SLC30A9: variants seen among roughly 807,000 people sequenced by gnomAD.
The protein encoded by SLC30A9 is proton-coupled zinc antiporter SLC30A9, mitochondrial.
A neutral mutation model predicts 87.5 loss-of-function variants in SLC30A9; 58 were observed. That is an observed-to-expected ratio of 0.66 (90% CI 0.54 to 0.82). The LOEUF is 0.82. SLC30A9 is among the 40% of genes least tolerant of loss of function. The probability of loss-of-function intolerance (pLI) is 0.00; values close to 1 mark genes in which losing one functional copy is unlikely to be tolerated. For synonymous variants in SLC30A9, 234 were observed against 233.0 expected (o/e 1.00, Z -0.04); for missense variants, 557 against 679.1 (o/e 0.82, Z 2.00).
At chr4:42,055,430 A>C (rs544154828) in intron 9 of SLC30A9, among the ~76,000 whole-genome samples, 21 of 152,168 alleles carry the variant, frequency 1.4e-4, no homozygotes, top group African/African-American at 5.1e-4. Flanking sequence ...TGTCTTGCCC[A>C]GGCTGGAATG....
At chr4:42,019,206 A>G (rs1715839360) in intron 3 of SLC30A9, among the ~76,000 whole-genome samples, 1 of 152,340 alleles carries the variant, frequency 6.6e-6, no homozygotes, top group Non-Finnish European at 1.5e-5. Context: ...AATAATAAAT[A>G]TGAGAATAGA....
At chr4:42,015,539 A>C (rs1715681791) in intron 2 of SLC30A9, among the ~76,000 whole-genome samples, 1 of 152,218 alleles carries the variant, frequency 6.6e-6, no homozygotes, top group African/African-American at 2.4e-5. Flanking sequence ...TTTCTGTTTC[A>C]TTCCATGTTT....
intron 9 of SLC30A9, among the ~76,000 whole-genome samples, chr4:42,053,601 A>G (rs955194141): frequency 1.1e-4 from 16 of 148,268 alleles, no homozygotes; most frequent in African/African-American, 2.3e-4. Context: ...AGGCAGGAGA[A>G]TCGCTTGAAC....
At chr4:42,078,449 G>A in intron 17 of SLC30A9, 124 bp downstream of exon 17, 1 of 535,340 alleles carries the variant, frequency 1.9e-6, no homozygotes, top group Non-Finnish European at 3.3e-6. Flanking sequence ...ACTCCACAGT[G>A]TGTAGGTATT....
intron 9 of SLC30A9, among the ~76,000 whole-genome samples, chr4:42,051,149 A>G (rs915652965): frequency 6.6e-6 from 1 of 152,184 alleles, no homozygotes; most frequent in Non-Finnish European, 1.5e-5. Context: ...GAGAGTTCTC[A>G]TTGATTATCG....
At chr4:42,047,883 G>T (rs1577707138) in intron 8 of SLC30A9, among the ~76,000 whole-genome samples, 1 of 152,104 alleles carries the variant, frequency 6.6e-6, no homozygotes, top group Non-Finnish European at 1.5e-5. Flanking sequence ...TACACCATGG[G>T]ATAATATGCA....
intron 8 of SLC30A9, among the ~76,000 whole-genome samples, chr4:42,043,691 A>G (rs1423116655): frequency 5.3e-5 from 8 of 152,208 alleles, no homozygotes; most frequent in Admixed American, 5.2e-4. Context: ...AAGACAGGCT[A>G]ATATTCAAAT....
chr4:42,047,882 G>A (rs1010652472), intron 8 of SLC30A9, among the ~76,000 whole-genome samples: 3 of 152,108 alleles, frequency 2.0e-5, no homozygotes, highest in Non-Finnish European at 4.4e-5. Context: ...ATACACCATG[G>A]GATAATATGC....
Position 42,004,667 on chromosome 4 carries a change from T to TTTC in SLC30A9, c.274+2889_274+2890insCTT, listed in dbSNP as rs1452393182. On this transcript the variant is annotated intron_variant, in intron 2 of 17. Transcript: ENST00000264451. ...TTTTCCTTTTTTTTTTCTTTTTCTT[T>TTTC]TTTTTTTTTTGAGACCAAGTCTCAT... Among the ~76,000 whole-genome samples the TTTC allele has an allele frequency of 5.9e-4, 88 of 148,258 alleles. No homozygotes were observed. In the East Asian group the frequency reaches 0.015, roughly 25 times the overall value.
intron 6 of SLC30A9, among the ~76,000 whole-genome samples, chr4:42,026,952 G>T (rs953001581): frequency 5.3e-5 from 8 of 151,770 alleles, no homozygotes; most frequent in African/African-American, 7.3e-5. Flanking sequence ...ATTCTGTGGG[G>T]TTTTTTTTGT....
intron 11 of SLC30A9, among the ~76,000 whole-genome samples, chr4:42,063,900 A>G (rs903677431): frequency 6.6e-6 from 1 of 152,184 alleles, no homozygotes; most frequent in Non-Finnish European, 1.5e-5. Flanking sequence ...GCATTTGGAA[A>G]GAATGCCCTT....
chr4:42,005,282 G>C (rs558509117), intron 2 of SLC30A9, among the ~76,000 whole-genome samples: 1 of 152,276 alleles, frequency 6.6e-6, no homozygotes, highest in East Asian at 1.9e-4. Context: ...TTGCTTTTGT[G>C]TGCTACTCTC....
chr4:42,009,269 A>G (rs1715343727), intron 2 of SLC30A9, among the ~76,000 whole-genome samples: 1 of 152,222 alleles, frequency 6.6e-6, no homozygotes, highest in Admixed American at 6.5e-5. Flanking sequence ...TGCTTAGGCC[A>G]CATTAGACCT....
chr4:42,029,359 A>T (rs1257974727), intron 6 of SLC30A9: 5 of 581,560 alleles, frequency 8.6e-6, no homozygotes, highest in South Asian at 1.4e-5. Flanking sequence ...TGGCATCTTC[A>T]TCGGAATGAT....
chr4:42,019,635 A>G (rs888751342), intron 3 of SLC30A9, among the ~76,000 whole-genome samples: 2 of 152,184 alleles, frequency 1.3e-5, no homozygotes, highest in African/African-American at 4.8e-5. Context: ...AGCAACTAGT[A>G]TACACATAGA....
chr4:42,054,667 T>A (rs909757518), intron 9 of SLC30A9, among the ~76,000 whole-genome samples: 1 of 151,822 alleles, frequency 6.6e-6, no homozygotes. Context: ...ATTTTTTGTA[T>A]TTTTAGTAGA....
chr4:42,070,443 C>A (rs1410828331), intron 14 of SLC30A9, 83 bp from the exon 15 acceptor site: 11 of 1,046,372 alleles, frequency 1.1e-5, no homozygotes, highest in Non-Finnish European at 1.5e-5. Flanking sequence ...TTGATTTACT[C>A]GTTCTGGTTC....
chr4:42,043,135 A>C (rs887689293), intron 8 of SLC30A9, among the ~76,000 whole-genome samples: 1 of 152,194 alleles, frequency 6.6e-6, no homozygotes, highest in African/African-American at 2.4e-5. Flanking sequence ...CCAGTGCAAA[A>C]AGGCTGAAAA....
chr4:42,070,487 A>G, intron 14 of SLC30A9, 39 bp from the exon 15 acceptor site: 1 of 1,537,942 alleles, frequency 6.5e-7, no homozygotes, highest in Non-Finnish European at 8.9e-7. Flanking sequence ...AAATAATATA[A>G]ACTGTTAATT....
Sources: allele counts gnomAD v4.1 joint callset (sites outside exome capture counted in the v4.1 genomes callset), GRCh38; gene constraint gnomAD v4.1.1; transcripts MANE v1.5; gene names NCBI Gene and HGNC (gene_info 2026-07-23, HGNC 2026-07-21).